Variants in PTPRN2 observed in about 807,000 individuals in gnomAD.
PTPRN2 encodes the protein receptor-type tyrosine-protein phosphatase N2.
PTPRN2 carries 74 observed loss-of-function variants against 118.8 expected under a neutral mutation model. The observed-to-expected ratio is 0.62, with a 90% CI of 0.52 to 0.76. PTPRN2 has a LOEUF of 0.76. Among genes scored for constraint, PTPRN2 ranks in the 30% least tolerant of loss-of-function variants. PTPRN2 has a pLI of 0.00. For missense variants in PTPRN2, 1,481 were observed against 1,394.4 expected (o/e 1.06, Z -0.99); for synonymous variants, 641 against 608.0 (o/e 1.05, Z -0.80).
rs149011544 is a variant in PTPRN2, at chr7:158,449,451, C to T, written c.163+40284G>A. On this transcript the variant is annotated intron_variant, in intron 2 of 22. Coordinates refer to ENST00000389418, the MANE Select transcript of PTPRN2 (RefSeq NM_002847.5). ...CAAGAGAGGACGATGCACAGATTCCCACAACAGCAAGACACACAGCGCAGT... is the reference window on the plus strand; with the variant it reads ...CAAGAGAGGACGATGCACAGATTCCTACAACAGCAAGACACACAGCGCAGT... Among the ~76,000 whole-genome samples the T allele has an allele frequency of 2.2e-4, 33 of 152,308 alleles. No homozygotes were observed. In the East Asian group the frequency reaches 6.4e-3, roughly 29 times the overall value.
At chr7:157,745,909 G>T (rs72505545) in intron 12 of PTPRN2, among the ~76,000 whole-genome samples, 1,772 of 152,088 alleles carry the variant, frequency 0.012, 67 homozygotes, top group East Asian at 0.11. Context: ...GAGATCACAG[G>T]ACTCCCTACA....
chr7:158,425,770 A>G (rs368354317), intron 2 of PTPRN2, among the ~76,000 whole-genome samples: 2 of 61,866 alleles, frequency 3.2e-5, no homozygotes, highest in Non-Finnish European at 5.6e-5. Flanking sequence ...CGCGGGGTCC[A>G]AGTGCAGCCT....
At chr7:157,820,262 GACAC>G (rs755479068) in intron 12 of PTPRN2, among the ~76,000 whole-genome samples, 17 of 144,758 alleles carry the variant, frequency 1.2e-4, no homozygotes, top group South Asian at 6.7e-4. Context: ...ACATGCAGCA[GACAC>G]ACACACGTGC....
At chr7:158,567,534 C>T (rs905527448) in intron 1 of PTPRN2, among the ~76,000 whole-genome samples, 17 of 152,236 alleles carry the variant, frequency 1.1e-4, no homozygotes, top group Admixed American at 3.9e-4. Context: ...GTTCCTGCCA[C>T]GTGCTACGCC....
In PTPRN2 at chr7:158,113,789, T is replaced by A. The variant is rs529044215; in HGVS notation, c.1557-2874A>T. Among the ~76,000 whole-genome samples, 153 of 152,324 alleles carry A rather than the reference T, an allele frequency of 1.0e-3. 1 individual carries two copies. Among genetic ancestry groups the A allele is most frequent in the Non-Finnish European group, 1.9e-3 (129 of 68,020 alleles). On this transcript the variant is annotated intron_variant, in intron 9 of 22. Coordinates refer to ENST00000389418, the MANE Select transcript of PTPRN2 (RefSeq NM_002847.5). ...ATGGCGTCGACGCTACAAGCTGTTG[T>A]TGTGGCCACCAGGGACACAGCCTAC...
intron 2 of PTPRN2, among the ~76,000 whole-genome samples, chr7:158,483,684 G>T (rs746168850): frequency 2.0e-5 from 3 of 152,192 alleles, no homozygotes; most frequent in Admixed American, 6.5e-5. Context: ...TCTGTCTGGG[G>T]TCAGGGAAGT....
At position 158,370,928 on chromosome 7, in the gene PTPRN2, A is replaced by G. The variant is rs954034925; in HGVS notation, c.164-53996T>C. Among the ~76,000 whole-genome samples, 5 of 152,346 alleles carry G rather than the reference A, an allele frequency of 3.3e-5. No homozygotes were observed. In the South Asian group the frequency reaches 1.0e-3, roughly 32 times the overall value. ...TTAACAATTTTTAAAACACCCTTAC[A>G]CACAACTGTTTTTGAATTCTAAAGA... On this transcript the variant is annotated intron_variant, in intron 2 of 22. Coordinates refer to ENST00000389418, the MANE Select transcript of PTPRN2 (RefSeq NM_002847.5).
chr7:158,176,896 C>T (rs1300414661), intron 5 of PTPRN2, among the ~76,000 whole-genome samples: 1 of 152,198 alleles, frequency 6.6e-6, no homozygotes, highest in Non-Finnish European at 1.5e-5. Context: ...CACACCTGCT[C>T]CTCCAGGTGG....
chr7:158,030,780 G>C (rs761345066), intron 11 of PTPRN2: 2 of 152,396 alleles, frequency 1.3e-5, no homozygotes, highest in Admixed American at 1.3e-4. Context: ...CAGACCCTGG[G>C]GGGTGCAGGG....
At chr7:158,316,781 T>G (rs1230757400) in intron 3 of PTPRN2, 38 bp downstream of exon 3, 1 of 1,502,384 alleles carries the variant, frequency 6.7e-7, no homozygotes, top group African/African-American at 1.4e-5. Flanking sequence ...GGTCGCTCAG[T>G]GCGGCAGCCG....
chr7:157,691,984 C>T (rs1337316024), intron 12 of PTPRN2, among the ~76,000 whole-genome samples: 1 of 152,176 alleles, frequency 6.6e-6, no homozygotes, highest in African/African-American at 2.4e-5. Flanking sequence ...AGAGCTGAAA[C>T]CCAACATCTG....
intron 10 of PTPRN2, among the ~76,000 whole-genome samples, chr7:158,082,917 G>A (rs546758120): frequency 4.6e-5 from 7 of 152,304 alleles, no homozygotes; most frequent in Admixed American, 6.5e-5. Context: ...GCCTGTCTAC[G>A]GTGCCTCGGC....
Position 157,540,498 on chromosome 7 carries a change from C to T in PTPRN2, c.*216G>A, listed in dbSNP as rs970167673. On this transcript the variant is annotated 3_prime_UTR_variant, in exon 23 of 23. Coordinates refer to ENST00000389418, the MANE Select transcript of PTPRN2 (RefSeq NM_002847.5). ...CAAGTGAAAATTGATGAACCGATTC[C>T]CCTCCACCCGTAACTGGATTTTTCC... 2.4e-6 allele frequency: 1 copy of T among 416,822 alleles called. No homozygotes were observed. Among genetic ancestry groups the T allele is most frequent in the Non-Finnish European group, 4.3e-6 (1 of 233,628 alleles). The allele number at this position is 416,822 out of a possible 1,614,324, so 25.8% of individuals were successfully genotyped here. A position where few individuals can be genotyped will look rare whatever the true frequency, so the allele number is the denominator to read the frequency against.
At chr7:158,560,324 G>T (rs546549496) in intron 1 of PTPRN2, among the ~76,000 whole-genome samples, 1 of 152,386 alleles carries the variant, frequency 6.6e-6, no homozygotes, top group African/African-American at 2.4e-5. Context: ...GATGGTTTCA[G>T]GTATGTATGT....
At chr7:157,631,051 G>T (rs1411371457) in intron 14 of PTPRN2, among the ~76,000 whole-genome samples, 1 of 152,144 alleles carries the variant, frequency 6.6e-6, no homozygotes, top group East Asian at 1.9e-4. Flanking sequence ...TGAGAGTTTT[G>T]TCTCCAGCTG....
chr7:158,080,703 A>G (rs945380405), intron 11 of PTPRN2, among the ~76,000 whole-genome samples: 2 of 152,158 alleles, frequency 1.3e-5, no homozygotes, highest in Admixed American at 1.3e-4. Context: ...TTAATCATAT[A>G]ACAAAGATTA....
intron 12 of PTPRN2, among the ~76,000 whole-genome samples, chr7:157,737,361 A>T (rs754883375): frequency 9.2e-5 from 14 of 152,180 alleles, no homozygotes; most frequent in Admixed American, 2.0e-4. Flanking sequence ...CCTCAGCACG[A>T]CCTCAACCTG....
At chr7:157,922,009 G>A (rs1798716758) in intron 11 of PTPRN2, among the ~76,000 whole-genome samples, 1 of 152,166 alleles carries the variant, frequency 6.6e-6, no homozygotes, top group South Asian at 2.1e-4. Flanking sequence ...TTCTGTAAAT[G>A]TAAAACTGCA....
chr7:158,307,077 G>C (rs1449071665), intron 3 of PTPRN2, among the ~76,000 whole-genome samples: 1 of 152,022 alleles, frequency 6.6e-6, no homozygotes, highest in African/African-American at 2.4e-5. Context: ...ATGTTGGGCA[G>C]ACTAGTCTTG....
Sources: gnomAD v4.1 joint callset for allele counts (sites outside exome capture counted in the v4.1 genomes callset) on GRCh38, gnomAD v4.1.1 for gene constraint, MANE v1.5 for transcripts, NCBI Gene and HGNC (gene_info 2026-07-23, HGNC 2026-07-21) for gene names.